GRIA2: variants seen among roughly 807,000 people sequenced by gnomAD.
GRIA2 encodes the protein glutamate receptor 2.
In GRIA2, 14 loss-of-function variants were observed where a neutral mutation model predicts 97.3. That is an observed-to-expected ratio of 0.14 (90% CI 0.10 to 0.23). The LOEUF (loss-of-function observed/expected upper bound fraction) is 0.23, where lower values mean the gene tolerates loss of function less well. Ranked by LOEUF, GRIA2 falls within the 10% of genes least tolerant of loss-of-function variation. The pLI, the probability that GRIA2 is intolerant of heterozygous loss-of-function variation, is 1.00. For missense variants in GRIA2, 558 were observed against 1,069.8 expected (o/e 0.52, Z 6.67); for synonymous variants, 412 against 387.8 (o/e 1.06, Z -0.73).
At chr4:157,227,451 G>T (rs1371956836) in intron 2 of GRIA2, among the ~76,000 whole-genome samples, 3 of 152,126 alleles carry the variant, frequency 2.0e-5, no homozygotes, top group African/African-American at 7.2e-5. Context: ...GAGAGTATGT[G>T]TTTTTTCTCT....
intron 1 of GRIA2, 101 bp downstream of exon 1, chr4:157,221,231 A>T (rs1729479147): frequency 1.4e-6 from 1 of 734,684 alleles, no homozygotes; most frequent in South Asian, 1.6e-5. Context: ...CTTATGTCAT[A>T]CCTTGACTGC....
chr4:157,341,173 C>T lies in GRIA2; in HGVS notation c.1845-91C>T. On this transcript the variant is annotated intron_variant, in intron 11 of 15. Coordinates refer to ENST00000264426, the MANE Select transcript of GRIA2 (RefSeq NM_001083619.3). ...GAAAAATATAAAATTAAATATTCCC[C>T]TATAAGTCAATATTTGCATAATACT... The T allele has an allele frequency of 1.1e-5, 9 of 816,834 alleles. No individual in the cohort carries two copies. In the South Asian group the frequency reaches 1.3e-4, roughly 12 times the overall value. The allele number at this position is 816,834 out of a possible 1,614,324, so 50.6% of individuals were successfully genotyped here.
At chr4:157,304,750 G>A (rs147195424) in intron 3 of GRIA2, among the ~76,000 whole-genome samples, 3 of 152,152 alleles carry the variant, frequency 2.0e-5, no homozygotes, top group Admixed American at 6.5e-5. Flanking sequence ...AGCCTATTTC[G>A]ACCAAGATAG....
intron 12 of GRIA2, among the ~76,000 whole-genome samples, chr4:157,353,519 A>T (rs942263427): frequency 1.4e-4 from 21 of 151,824 alleles, no homozygotes; most frequent in East Asian, 5.8e-4. Context: ...AAATAATAAA[A>T]AAAAAAATTA....
Position 157,355,961 on chromosome 4 carries a change from A to ATATATATT in GRIA2, c.2044-3934_2044-3933insATATATTT, listed in dbSNP as rs1560781292. ...TATATTAATATATATTTATATATTT[A>ATATATATT]TGTATATTAATATATATATTTATAT... On this transcript the variant is annotated intron_variant, in intron 12 of 15. Coordinates refer to ENST00000264426, the MANE Select transcript of GRIA2 (RefSeq NM_001083619.3). Among the ~76,000 whole-genome samples the ATATATATT allele has an allele frequency of 2.5e-4, 9 of 36,680 alleles. 1 individual carries two copies. Among genetic ancestry groups the ATATATATT allele is most frequent in the East Asian group, 2.6e-3 (2 of 780 alleles). The allele number at this position is 36,680 out of a possible 152,430, so 24.1% of individuals were successfully genotyped here.
rs1178938516 is a variant in GRIA2, at chr4:157,363,552, G to GT, written c.*122dup. On this transcript the variant is annotated 3_prime_UTR_variant, in exon 16 of 16. Transcript: ENST00000264426. ...CAAAGCAGTGCATGCTGTCCCTTAC[G>GT]TGAGTCCTGGCATGGGAATGAATGT... 3.2e-6 allele frequency: 4 copies of GT among 1,235,324 alleles called. No homozygotes were observed. The highest frequency in any genetic ancestry group is 4.0e-6 in the Non-Finnish European group (4 of 988,736). 76.5% of individuals were successfully genotyped at this position (1,235,324 alleles called of 1,614,324 possible).
At chr4:157,336,036 A>G (rs528117383) in intron 10 of GRIA2, among the ~76,000 whole-genome samples, 159 bp downstream of exon 10, 1 of 152,194 alleles carries the variant, frequency 6.6e-6, no homozygotes, top group Admixed American at 6.6e-5. Context: ...AAAGATTAAG[A>G]TTGAAGCCAG....
At chr4:157,220,483 G>C (rs1729434873), upstream of GRIA2, 1 of 152,078 alleles carries the variant, frequency 6.6e-6, no homozygotes, top group Non-Finnish European at 1.5e-5. Flanking sequence ...TACGGGCCCC[G>C]AGCTGTGCTT....
At position 157,355,249 on chromosome 4, in the gene GRIA2, C is replaced by T. The variant is rs139405006; in HGVS notation, c.2044-4647C>T. ...ACTTCAAAATACACAGTCTTCCGGC[C>T]GGGCACAGTGGCTCACGCCTGTAAT... On this transcript the variant is annotated intron_variant, in intron 12 of 15. Transcript: ENST00000264426. 2.0e-3 allele frequency among the ~76,000 whole-genome samples: 306 copies of T among 152,100 alleles called. 1 individual carries two copies. The highest frequency in any genetic ancestry group is 7.1e-3 in the African/African-American group (294 of 41,498).
At chr4:157,238,918 GT>G (rs1345507808) in intron 2 of GRIA2, among the ~76,000 whole-genome samples, 2 of 152,038 alleles carry the variant, frequency 1.3e-5, no homozygotes, top group Non-Finnish European at 2.9e-5. Context: ...ATATAAAATA[GT>G]TTTTCATATT....
At chr4:157,276,471 A>C (rs1732318109) in intron 2 of GRIA2, among the ~76,000 whole-genome samples, 1 of 152,030 alleles carries the variant, frequency 6.6e-6, no homozygotes, top group African/African-American at 2.4e-5. Flanking sequence ...ACTTTAGGAA[A>C]CTGGATAATG....
At chr4:157,282,978 T>A (rs184786949) in intron 2 of GRIA2, among the ~76,000 whole-genome samples, 1 of 152,094 alleles carries the variant, frequency 6.6e-6, no homozygotes, top group African/African-American at 2.4e-5. Flanking sequence ...CAAATATATG[T>A]CAGGGAAATA....
chr4:157,250,589 A>T (rs552020155), intron 2 of GRIA2, among the ~76,000 whole-genome samples: 1 of 152,264 alleles, frequency 6.6e-6, no homozygotes, highest in African/African-American at 2.4e-5. Context: ...CTACTTTTAA[A>T]GTTCACGAGA....
intron 2 of GRIA2, among the ~76,000 whole-genome samples, chr4:157,273,627 T>A (rs762263331): frequency 2.0e-5 from 3 of 152,012 alleles, no homozygotes; most frequent in Non-Finnish European, 2.9e-5. Context: ...CTGGAATGAC[T>A]GAGGAAAGAA....
Position 157,220,793 on chromosome 4 carries a change from C to A in GRIA2, c.-250C>A, listed in dbSNP as rs2126667096. ...GACACTGGGACCACAGCGGCAGCTCCGCTGAAAACTGCATTCAGCCAGTCC... is the reference window on the plus strand; with the variant it reads ...GACACTGGGACCACAGCGGCAGCTCAGCTGAAAACTGCATTCAGCCAGTCC... On this transcript the variant is annotated 5_prime_UTR_variant, in exon 1 of 16. Transcript: ENST00000264426. 3 of 542,128 alleles carry A rather than the reference C, an allele frequency of 5.5e-6. No individual in the cohort carries two copies. The highest frequency in any genetic ancestry group is 3.2e-5 in the East Asian group (1 of 31,374). 33.6% of individuals were successfully genotyped at this position (542,128 alleles called of 1,614,324 possible). A position where few individuals can be genotyped will look rare whatever the true frequency, so the allele number is the denominator to read the frequency against.
At chr4:157,333,080 C>A in intron 7 of GRIA2, 94 bp downstream of exon 7, 1 of 1,053,360 alleles carries the variant, frequency 9.5e-7, no homozygotes, top group Non-Finnish European at 1.4e-6. Flanking sequence ...TTCCTTGTGT[C>A]TAATATACAG....
At chr4:157,324,309 C>T (rs1734711818) in intron 6 of GRIA2, among the ~76,000 whole-genome samples, 1 of 152,008 alleles carries the variant, frequency 6.6e-6, no homozygotes, top group Admixed American at 6.5e-5. Context: ...TTTATCCTAA[C>T]AAAGAAATGC....
At chr4:157,345,617 AT>A (rs1560776146) in intron 12 of GRIA2, among the ~76,000 whole-genome samples, 1 of 152,120 alleles carries the variant, frequency 6.6e-6, no homozygotes, top group Non-Finnish European at 1.5e-5. Context: ...AGAAACTTTG[AT>A]TTTTAAGGAC....
At chr4:157,243,825 C>T (rs1471717862) in intron 2 of GRIA2, among the ~76,000 whole-genome samples, 3 of 151,744 alleles carry the variant, frequency 2.0e-5, no homozygotes, top group Admixed American at 6.6e-5. Flanking sequence ...ATTTTCTCTG[C>T]ATGAAAGATT....
Sources: gnomAD v4.1 joint callset for allele counts (sites outside exome capture counted in the v4.1 genomes callset) on GRCh38, gnomAD v4.1.1 for gene constraint, MANE v1.5 for transcripts, NCBI Gene and HGNC (gene_info 2026-07-23, HGNC 2026-07-21) for gene names.